ACOXL: variants seen among roughly 807,000 people sequenced by gnomAD.
ACOXL encodes acyl-CoA oxidase like.
A neutral mutation model predicts 71.9 loss-of-function variants in ACOXL; 70 were observed. That is an observed-to-expected ratio of 0.97 (90% CI 0.80 to 1.19). The LOEUF (loss-of-function observed/expected upper bound fraction) is 1.19. ACOXL is among the 50% of genes most tolerant of loss of function. ACOXL has a pLI of 0.00. For missense variants in ACOXL, 703 were observed against 736.3 expected (o/e 0.95, Z 0.52); for synonymous variants, 253 against 281.6 (o/e 0.90, Z 1.02).
At chr2:111,100,686 G>C (rs1349459303) in intron 17 of ACOXL, 1 of 153,052 alleles carries the variant, frequency 6.5e-6, no homozygotes, top group African/African-American at 2.4e-5. Flanking sequence ...TGATTTGCTA[G>C]GTGAAGCCCA....
intron 12 of ACOXL, among the ~76,000 whole-genome samples, chr2:110,935,240 C>G (rs1267007584): frequency 6.6e-6 from 1 of 152,136 alleles, no homozygotes; most frequent in Non-Finnish European, 1.5e-5. Flanking sequence ...TGCGCAGAAC[C>G]TCTTGCAGGC....
At chr2:110,915,200 A>G (rs2059793297) in intron 11 of ACOXL, among the ~76,000 whole-genome samples, 1 of 151,444 alleles carries the variant, frequency 6.6e-6, no homozygotes, top group South Asian at 2.1e-4. Context: ...TGTATGTTCA[A>G]TTTTGACACA....
chr2:110,822,997 A>G (rs544772002), intron 9 of ACOXL, among the ~76,000 whole-genome samples: 23 of 152,244 alleles, frequency 1.5e-4, no homozygotes, highest in Admixed American at 1.1e-3. Flanking sequence ...TCACACCTGT[A>G]CACCCAGCAC....
chr2:110,737,059 C>T (rs1191038047), intron 1 of ACOXL, among the ~76,000 whole-genome samples: 3 of 152,166 alleles, frequency 2.0e-5, no homozygotes, highest in African/African-American at 7.2e-5. Flanking sequence ...TACACATGTG[C>T]ACATCATTTT....
intron 15 of ACOXL, among the ~76,000 whole-genome samples, chr2:111,047,301 C>G (rs2066064468): frequency 6.6e-6 from 1 of 152,150 alleles, no homozygotes; most frequent in Non-Finnish European, 1.5e-5. Flanking sequence ...AACACAGGGT[C>G]ACCACAGAGA....
chr2:111,084,305 AC>A (rs2068090105), intron 16 of ACOXL, among the ~76,000 whole-genome samples: 12 of 141,126 alleles, frequency 8.5e-5, no homozygotes, highest in South Asian at 6.9e-4. Context: ...ACACACACAC[AC>A]ACAAGAAGTG....
intron 16 of ACOXL, among the ~76,000 whole-genome samples, chr2:111,051,377 A>G (rs935207320): frequency 2.0e-5 from 3 of 152,196 alleles, no homozygotes; most frequent in Non-Finnish European, 4.4e-5. Context: ...CTAGTGAGCT[A>G]TCCACTTTGC....
intron 12 of ACOXL, among the ~76,000 whole-genome samples, chr2:110,953,408 T>A (rs1476410331): frequency 6.6e-6 from 1 of 152,134 alleles, no homozygotes; most frequent in Non-Finnish European, 1.5e-5. Flanking sequence ...GAAATTTTTT[T>A]ATGGCCTGCT....
At chr2:110,940,507 G>A (rs945754024) in intron 12 of ACOXL, among the ~76,000 whole-genome samples, 1 of 152,186 alleles carries the variant, frequency 6.6e-6, no homozygotes. Flanking sequence ...GCCTCCAAAT[G>A]TCTCCTGAGC....
chr2:111,113,646 T>C (rs1366115424), intron 17 of ACOXL, among the ~76,000 whole-genome samples: 2 of 152,120 alleles, frequency 1.3e-5, no homozygotes, highest in African/African-American at 4.8e-5. Flanking sequence ...GGGACTAGGG[T>C]TGCACGAGAC....
intron 1 of ACOXL, among the ~76,000 whole-genome samples, chr2:110,734,014 A>G (rs2104621932): frequency 6.6e-6 from 1 of 152,338 alleles, no homozygotes; most frequent in Non-Finnish European, 1.5e-5. Context: ...CAGAAAAAAT[A>G]TAGAAGCAGA....
intron 10 of ACOXL, among the ~76,000 whole-genome samples, chr2:110,849,221 A>G (rs1174300558): frequency 6.6e-6 from 1 of 152,002 alleles, no homozygotes; most frequent in Non-Finnish European, 1.5e-5. Flanking sequence ...TTCCCTCCAC[A>G]AGTGCCCCTC....
intron 14 of ACOXL, among the ~76,000 whole-genome samples, chr2:110,997,095 A>G (rs2063430831): frequency 6.6e-6 from 1 of 152,238 alleles, no homozygotes; most frequent in South Asian, 2.1e-4. Context: ...ATCCAAAAGG[A>G]AAAATGCTAC....
chr2:110,768,852 G>T (rs945839101), intron 2 of ACOXL, among the ~76,000 whole-genome samples: 2 of 151,564 alleles, frequency 1.3e-5, no homozygotes, highest in African/African-American at 2.4e-5. Flanking sequence ...TGTTTTGTTT[G>T]CTTTTGTGAC....
intron 8 of ACOXL, among the ~76,000 whole-genome samples, chr2:110,804,765 A>T (rs563012362): frequency 2.4e-4 from 36 of 151,732 alleles, no homozygotes; most frequent in African/African-American, 8.0e-4. Context: ...ATCTATGTGA[A>T]TTTTTTCCCA....
At chr2:110,792,409 T>C (rs1371639294) in intron 3 of ACOXL, among the ~76,000 whole-genome samples, 1 of 152,222 alleles carries the variant, frequency 6.6e-6, no homozygotes, top group Non-Finnish European at 1.5e-5. Context: ...ACTCTGCCTC[T>C]TCCTGTTTCT....
At position 110,803,985 on chromosome 2, in the gene ACOXL, C is replaced by CTTT. The variant is rs1177385627; in HGVS notation, c.621-1261_621-1259dup. Among the ~76,000 whole-genome samples the CTTT allele has an allele frequency of 8.1e-4, 107 of 132,234 alleles. 1 individual carries two copies. Among genetic ancestry groups the CTTT allele is most frequent in the East Asian group, 3.5e-3 (16 of 4,550 alleles). The allele number at this position is 132,234 out of a possible 152,430, so 86.8% of individuals were successfully genotyped here. On this transcript the variant is annotated intron_variant, in intron 8 of 17. Transcript: ENST00000439055. ...TACCACTCTGCACCTACTAGGATGT[C>CTTT]TTTTTTTTTTTTTTTTTTTGAGATG... is the stretch of plus-strand genomic sequence containing the variant.
At chr2:110,786,279 A>T (rs1683952960) in intron 3 of ACOXL, among the ~76,000 whole-genome samples, 1 of 152,210 alleles carries the variant, frequency 6.6e-6, no homozygotes, top group Non-Finnish European at 1.5e-5. Flanking sequence ...TATGGTGGTG[A>T]TTTCAGTTTG....
chr2:111,075,227 C>CT (rs35457196), intron 16 of ACOXL, among the ~76,000 whole-genome samples: 54,239 of 151,640 alleles, frequency 0.36, 9,927 homozygotes, highest in East Asian at 0.45. Flanking sequence ...CTAGAGATTT[C>CT]TTTTTTTTAC....
Sources: allele counts gnomAD v4.1 joint callset (sites outside exome capture counted in the v4.1 genomes callset), GRCh38; gene constraint gnomAD v4.1.1; transcripts MANE v1.5; gene names NCBI Gene and HGNC (gene_info 2026-07-23, HGNC 2026-07-21).